Variants in DYNC1I2 observed in about 807,000 individuals in gnomAD.
DYNC1I2 encodes the protein dynein cytoplasmic 1 intermediate chain 2, also known as cytoplasmic dynein 1 intermediate chain 2.
DYNC1I2 carries 53 observed loss-of-function variants against 88.6 expected under a neutral mutation model. The observed-to-expected ratio is 0.60, with a 90% CI of 0.48 to 0.75. DYNC1I2 has a LOEUF of 0.75. DYNC1I2 is among the 30% of genes least tolerant of loss of function. DYNC1I2 has a pLI of 0.00. For missense variants in DYNC1I2, 458 were observed against 766.6 expected (o/e 0.60, Z 4.75); for synonymous variants, 198 against 254.6 (o/e 0.78, Z 2.12).
intron 4 of DYNC1I2, 32 bp downstream of exon 4, chr2:171,706,596 T>C: frequency 1.2e-6 from 2 of 1,600,128 alleles, no homozygotes; most frequent in Non-Finnish European, 1.7e-6. Flanking sequence ...TTGCCTTGTT[T>C]ATTTGCATGC....
At chr2:171,709,377 A>G (rs1046863600) in intron 5 of DYNC1I2, among the ~76,000 whole-genome samples, 2 of 152,214 alleles carry the variant, frequency 1.3e-5, no homozygotes, top group African/African-American at 4.8e-5. Context: ...TAAGAAAAAT[A>G]TTTATTCATG....
intron 14 of DYNC1I2, among the ~76,000 whole-genome samples, chr2:171,729,077 G>T (rs928879553): frequency 6.6e-6 from 1 of 152,114 alleles, no homozygotes; most frequent in African/African-American, 2.4e-5. Flanking sequence ...GTGTGTGCAT[G>T]TACTCACGTA....
intron 5 of DYNC1I2, among the ~76,000 whole-genome samples, chr2:171,711,191 T>C (rs312920): frequency 0.82 from 123,849 of 151,904 alleles, 51,635 homozygotes; most frequent in Middle Eastern, 0.91. Context: ...TTAGTAGAGA[T>C]GGGGTTTCAT....
intron 3 of DYNC1I2, among the ~76,000 whole-genome samples, chr2:171,698,415 C>T (rs1685945754): frequency 6.6e-6 from 1 of 151,986 alleles, no homozygotes. Flanking sequence ...GACAGGGTTT[C>T]ACTTTGTCAC....
At position 171,739,105 on chromosome 2, in the gene DYNC1I2, A is replaced by G. The variant is rs72880282; in HGVS notation, c.1537-4944A>G. Among the ~76,000 whole-genome samples the G allele has an allele frequency of 9.5e-3, 298 of 31,424 alleles. 1 individual carries two copies. In the East Asian group the frequency reaches 0.12, roughly 12 times the overall value. The allele number at this position is 31,424 out of a possible 152,430, so 20.6% of individuals were successfully genotyped here. A position where few individuals can be genotyped will look rare whatever the true frequency, so the allele number is the denominator to read the frequency against. On this transcript the variant is annotated intron_variant, in intron 15 of 17. Transcript: ENST00000397119. ...CACTCTAGCCTGGGCAACAAGAGTG[A>G]AAAAAAAAAAAAAAAGAAAACCACC... is the stretch of plus-strand genomic sequence containing the variant.
chr2:171,735,270 A>G (rs1688927070), intron 15 of DYNC1I2, among the ~76,000 whole-genome samples: 2 of 152,226 alleles, frequency 1.3e-5, no homozygotes, highest in African/African-American at 4.8e-5. Context: ...AGAGATTTAT[A>G]ATTCAGTCAC....
At chr2:171,720,950 G>A (rs1017804211) in intron 7 of DYNC1I2, among the ~76,000 whole-genome samples, 6 of 151,814 alleles carry the variant, frequency 4.0e-5, no homozygotes, top group Admixed American at 3.3e-4. Flanking sequence ...CAAGACCTAT[G>A]TAAGGGTGCT....
At position 171,710,828 on chromosome 2, in the gene DYNC1I2, C is replaced by G. The variant is rs541437465; in HGVS notation, c.336-1939C>G. 2.6e-5 allele frequency among the ~76,000 whole-genome samples: 4 copies of G among 151,628 alleles called. No homozygotes were observed. The South Asian group carries it at 8.4e-4, about 32-fold the overall frequency. On this transcript the variant is annotated intron_variant, in intron 5 of 17. Transcript: ENST00000397119. ...AGCAACTCTCCTGCCTCAGTCTCCC[C>G]AGTAGCTGGGATTGCAGGTGTGTGT...
chr2:171,740,193 G>GT (rs1017966003), intron 15 of DYNC1I2, among the ~76,000 whole-genome samples: 3 of 152,106 alleles, frequency 2.0e-5, no homozygotes, highest in African/African-American at 7.2e-5. Context: ...GTTGCAGATA[G>GT]TTTATGTTTC....
intron 15 of DYNC1I2, among the ~76,000 whole-genome samples, chr2:171,733,693 AT>A (rs1425309095): frequency 3.3e-5 from 5 of 151,084 alleles, no homozygotes; most frequent in Non-Finnish European, 7.4e-5. Flanking sequence ...AGATTCATAG[AT>A]TGTAGAATTT....
chr2:171,704,788 C>T (rs1474001031), intron 3 of DYNC1I2, among the ~76,000 whole-genome samples: 1 of 152,092 alleles, frequency 6.6e-6, no homozygotes, highest in Admixed American at 6.5e-5. Flanking sequence ...TGCCTTCTTG[C>T]ATAATTCTAG....
chr2:171,706,925 G>C (rs1686725718), intron 4 of DYNC1I2: 1 of 413,338 alleles, frequency 2.4e-6, no homozygotes, highest in African/African-American at 2.1e-5. Context: ...ATAATCTGGT[G>C]ATATTAAAAG....
intron 7 of DYNC1I2, among the ~76,000 whole-genome samples, chr2:171,717,949 T>C (rs1369263766): frequency 6.6e-6 from 1 of 151,806 alleles, no homozygotes; most frequent in Non-Finnish European, 1.5e-5. Flanking sequence ...CCAGTTTAAG[T>C]GAAGACTTTC....
intron 3 of DYNC1I2, among the ~76,000 whole-genome samples, chr2:171,702,706 T>G (rs1262594971): frequency 6.6e-6 from 1 of 151,632 alleles, no homozygotes; most frequent in Non-Finnish European, 1.5e-5. Context: ...TAATCAAACC[T>G]CTCATAACTT....
At position 171,726,270 on chromosome 2, in the gene DYNC1I2, A is replaced by C; in HGVS notation, c.847A>C (p.Ser283Arg). ...DERWSKHRVV[S>R]CLDWSSQYPE... ...ACGTTGGTCAAAGCATCGGGTGGTT[A>C]GTTGTTTGGATTGGTCATCTCAGGT... Residue 283 changes from serine (S) to arginine (R), a missense_variant, in exon 10 of 18, where the codon AGT becomes CGT. Transcript: ENST00000397119. 1 of 1,611,580 alleles carries C rather than the reference A, an allele frequency of 6.2e-7. No homozygotes were observed. Among genetic ancestry groups the C allele is most frequent in the Non-Finnish European group, 8.5e-7 (1 of 1,179,244 alleles).
intron 15 of DYNC1I2, among the ~76,000 whole-genome samples, chr2:171,736,219 C>A (rs1037551233): frequency 1.3e-5 from 2 of 152,180 alleles, no homozygotes; most frequent in African/African-American, 2.4e-5. Context: ...CCGAGGCCTG[C>A]GCAGCAGCAT....
At chr2:171,735,395 CT>C (rs577106065) in intron 15 of DYNC1I2, among the ~76,000 whole-genome samples, 1 of 152,150 alleles carries the variant, frequency 6.6e-6, no homozygotes, top group Non-Finnish European at 1.5e-5. Context: ...GAATTCAAAA[CT>C]TTTTGACCAC....
intron 15 of DYNC1I2, among the ~76,000 whole-genome samples, chr2:171,742,320 A>G (rs1559409108): frequency 6.6e-6 from 1 of 151,972 alleles, no homozygotes; most frequent in Non-Finnish European, 1.5e-5. Context: ...CTATAGGTGC[A>G]TGCCACCATG....
At chr2:171,737,894 T>G (rs1228797734) in intron 15 of DYNC1I2, among the ~76,000 whole-genome samples, 1 of 152,140 alleles carries the variant, frequency 6.6e-6, no homozygotes, top group Non-Finnish European at 1.5e-5. Context: ...TTGTACAGAT[T>G]ATTCCATCAC....
Sources: allele counts gnomAD v4.1 joint callset (sites outside exome capture counted in the v4.1 genomes callset), GRCh38; gene constraint gnomAD v4.1.1; transcripts MANE v1.5; gene names NCBI Gene and HGNC (gene_info 2026-07-23, HGNC 2026-07-21).